Variants in GPBP1 observed in about 807,000 individuals in gnomAD.
The protein encoded by GPBP1 is GC-rich promoter binding protein 1, also known as vasculin.
In GPBP1, 13 loss-of-function variants were observed where a neutral mutation model predicts 56.5. That is an observed-to-expected ratio of 0.23 (90% CI 0.15 to 0.37). The LOEUF (loss-of-function observed/expected upper bound fraction) is 0.37. Among genes scored for constraint, GPBP1 ranks in the 10% least tolerant of loss-of-function variants. The pLI, the probability that GPBP1 is intolerant of heterozygous loss-of-function variation, is 1.00. For synonymous variants in GPBP1, 204 were observed against 188.9 expected, an observed-to-expected ratio of 1.08 and a Z score of -0.66; for missense variants, 477 against 572.3, an observed-to-expected ratio of 0.83 and a Z score of 1.70.
chr5:57,226,251 G>A (rs1756182538), intron 3 of GPBP1, among the ~76,000 whole-genome samples: 2 of 152,184 alleles, frequency 1.3e-5, no homozygotes, highest in South Asian at 4.1e-4. Context: ...GATAATCATG[G>A]CCTTAGACCA....
At position 57,190,065 on chromosome 5, in the gene GPBP1, G is replaced by A. The variant is rs55737726; in HGVS notation, c.-58+13665G>A. Among the ~76,000 whole-genome samples, 779 of 151,726 alleles carry A rather than the reference G, an allele frequency of 5.1e-3. 2 individuals carry two copies. Among genetic ancestry groups the A allele is most frequent in the Non-Finnish European group, 9.4e-3 (642 of 68,038 alleles). On this transcript the variant is annotated intron_variant, in intron 2 of 11. Coordinates refer to ENST00000506184, the MANE Select transcript of GPBP1 (RefSeq NM_022913.4). ...CGTCTTTATCACATAAGCTCTTTGA[G>A]AGCAGGGACCTTGTCTCATTTGTTT...
At position 57,208,533 on chromosome 5, in the gene GPBP1, C is replaced by T. The variant is rs1015886142; in HGVS notation, c.-57-5541C>T. 4.6e-5 allele frequency among the ~76,000 whole-genome samples: 7 copies of T among 151,582 alleles called. No individual in the cohort carries two copies. In the South Asian group the frequency reaches 6.2e-4, roughly 14 times the overall value. ...TAGGCGTGAACCACTGTAGCCTGGC[C>T]GGGTGTTGGAATTTTAATAGAGATT... On this transcript the variant is annotated intron_variant, in intron 2 of 11. Coordinates refer to ENST00000506184, the MANE Select transcript of GPBP1 (RefSeq NM_022913.4).
intron 3 of GPBP1, among the ~76,000 whole-genome samples, chr5:57,219,187 C>T (rs1465775683): frequency 6.6e-6 from 1 of 151,556 alleles, no homozygotes; most frequent in Non-Finnish European, 1.5e-5. Flanking sequence ...ACCAGCCTGG[C>T]CAACATGGTG....
At chr5:57,176,791 C>T (rs1449047803) in intron 2 of GPBP1, among the ~76,000 whole-genome samples, 2 of 152,136 alleles carry the variant, frequency 1.3e-5, no homozygotes, top group African/African-American at 4.8e-5. Context: ...ATGCGTGTGC[C>T]TTGGTAGCCA....
At chr5:57,203,940 T>C (rs139110425) in intron 2 of GPBP1, among the ~76,000 whole-genome samples, 1 of 152,172 alleles carries the variant, frequency 6.6e-6, no homozygotes, top group African/African-American at 2.4e-5. Flanking sequence ...TTAGAGGCCA[T>C]GTTCCTTAGA....
chr5:57,202,541 A>G (rs1755064828), intron 2 of GPBP1, among the ~76,000 whole-genome samples: 1 of 152,064 alleles, frequency 6.6e-6, no homozygotes, highest in African/African-American at 2.4e-5. Flanking sequence ...AGCCTGTTTC[A>G]GCCTCCAAAA....
At chr5:57,231,666 T>TG (rs1730676155) in intron 5 of GPBP1, among the ~76,000 whole-genome samples, 1 of 152,250 alleles carries the variant, frequency 6.6e-6, no homozygotes, top group Non-Finnish European at 1.5e-5. Context: ...TTTATCTAGT[T>TG]CTTGCGATTC....
intron 10 of GPBP1, among the ~76,000 whole-genome samples, chr5:57,255,247 T>TCTCTTTCCTTTCCTCTTCCC (rs1288367918): frequency 1.4e-4 from 22 of 152,136 alleles, no homozygotes; most frequent in African/African-American, 4.8e-4. Flanking sequence ...CCCCTCTTCC[T>TCTCTTTCCTTTCCTCTTCCC]CTCTTTCCTT....
chr5:57,215,224 T>C (rs1755652040), intron 3 of GPBP1, among the ~76,000 whole-genome samples: 1 of 152,252 alleles, frequency 6.6e-6, no homozygotes, highest in Non-Finnish European at 1.5e-5. Flanking sequence ...CATAATTCCA[T>C]GAATGTGGTG....
chr5:57,178,826 C>T (rs1753911583), intron 2 of GPBP1, among the ~76,000 whole-genome samples: 1 of 152,172 alleles, frequency 6.6e-6, no homozygotes, highest in Admixed American at 6.5e-5. Context: ...GAAGTTAACA[C>T]CACTTTTCCT....
intron 2 of GPBP1, among the ~76,000 whole-genome samples, chr5:57,182,441 C>T (rs1019509452): frequency 8.6e-5 from 13 of 151,360 alleles, no homozygotes; most frequent in South Asian, 2.1e-4. Flanking sequence ...GGTGCGATCT[C>T]GGTTCACTGC....
rs528662856 is a variant in GPBP1, at chr5:57,248,414, A to G, written c.805-995A>G. Among the ~76,000 whole-genome samples the G allele has an allele frequency of 3.2e-3, 449 of 139,534 alleles. 3 individuals are homozygous for G. The highest frequency in any genetic ancestry group is 0.011 in the African/African-American group (415 of 37,452). 91.5% of individuals were successfully genotyped at this position (139,534 alleles called of 152,430 possible). A position where few individuals can be genotyped will look rare whatever the true frequency, so the allele number is the denominator to read the frequency against. On this transcript the variant is annotated intron_variant, in intron 8 of 11. Transcript: ENST00000506184. Reference sequence around the variant, plus strand: ...TGGGTACTGTATTGGAACCCCTCATATACTATTTTTTTTTTTTTTTTTTTT... The same window carrying G: ...TGGGTACTGTATTGGAACCCCTCATGTACTATTTTTTTTTTTTTTTTTTTT...
chr5:57,208,190 A>G lies in GPBP1; in HGVS notation c.-57-5884A>G, dbSNP rs1057441123. 9.2e-5 allele frequency among the ~76,000 whole-genome samples: 14 copies of G among 151,908 alleles called. No homozygotes were observed. In the East Asian group the frequency reaches 1.4e-3, roughly 15 times the overall value. On this transcript the variant is annotated intron_variant, in intron 2 of 11. Coordinates refer to ENST00000506184, the MANE Select transcript of GPBP1 (RefSeq NM_022913.4). ...GTAGGGTCTTACTCTTTCTCAGGGGATTGGAGCCCTAGCCAGGGACCATGC... is the reference window on the plus strand; with the variant it reads ...GTAGGGTCTTACTCTTTCTCAGGGGGTTGGAGCCCTAGCCAGGGACCATGC...
intron 3 of GPBP1, 33 bp downstream of exon 3, chr5:57,214,226 T>G (rs774418181): frequency 2.7e-6 from 4 of 1,456,994 alleles, no homozygotes; most frequent in Middle Eastern, 3.5e-4. Context: ...TCTGTCTGCT[T>G]CTCTTGCATT....
rs987090745 is a variant in GPBP1, at chr5:57,259,568, C to T, written c.1161-1612C>T. 7.9e-5 allele frequency among the ~76,000 whole-genome samples: 12 copies of T among 152,248 alleles called. No individual in the cohort carries two copies. The East Asian group carries it at 1.9e-3, about 24-fold the overall frequency. On this transcript the variant is annotated intron_variant, in intron 10 of 11. Coordinates refer to ENST00000506184, the MANE Select transcript of GPBP1 (RefSeq NM_022913.4). ...GAACTGAGGGCCCTGGCAGTTTAACCGTGTCAGTGCTGTCTTTTTTACATT... is the reference window on the plus strand; with the variant it reads ...GAACTGAGGGCCCTGGCAGTTTAACTGTGTCAGTGCTGTCTTTTTTACATT...
chr5:57,219,394 A>ACC (rs1755836523), intron 3 of GPBP1, among the ~76,000 whole-genome samples: 2 of 58,576 alleles, frequency 3.4e-5, no homozygotes, highest in African/African-American at 2.5e-4. Context: ...AAAAAAAAAA[A>ACC]AAAAAAAAAC....
At chr5:57,210,936 T>C (rs62355727) in intron 2 of GPBP1, among the ~76,000 whole-genome samples, 3,240 of 152,250 alleles carry the variant, frequency 0.021, 61 homozygotes, top group Middle Eastern at 0.048. Context: ...TTTAAAGACC[T>C]TATCTTCAAA....
rs375508397 is a variant in GPBP1 at position 57,188,980 on chromosome 5, TTCTG to T, written c.-58+12600_-58+12603del. Reference sequence around the variant, plus strand: ...TGCTACTAGACTTGTACAAGCCTCTTTCTGTCTGTCTGTCTGTCTGTCTTTCTTT... The same window carrying T: ...TGCTACTAGACTTGTACAAGCCTCTTTCTGTCTGTCTGTCTGTCTTTCTTT... On this transcript the variant is annotated intron_variant, in intron 2 of 11. Coordinates refer to ENST00000506184, the MANE Select transcript of GPBP1 (RefSeq NM_022913.4). Among the ~76,000 whole-genome samples the T allele has an allele frequency of 3.1e-3, 477 of 152,094 alleles. 2 individuals are homozygous for T. Among genetic ancestry groups the T allele is most frequent in the African/African-American group, 7.7e-3 (319 of 41,544 alleles).
intron 5 of GPBP1, among the ~76,000 whole-genome samples, chr5:57,234,970 A>G (rs1253746615): frequency 6.6e-6 from 1 of 152,160 alleles, no homozygotes; most frequent in Non-Finnish European, 1.5e-5. Context: ...CTACAGAGCT[A>G]TGAGATAATA....
Sources: gnomAD v4.1 joint callset for allele counts (sites outside exome capture counted in the v4.1 genomes callset) on GRCh38, gnomAD v4.1.1 for gene constraint, MANE v1.5 for transcripts, NCBI Gene and HGNC (gene_info 2026-07-23, HGNC 2026-07-21) for gene names.